Variants in GALNTL6 observed in about 807,000 individuals in gnomAD.
The protein encoded by GALNTL6 is polypeptide N-acetylgalactosaminyltransferase-like 6.
Under a neutral mutation model 73.7 loss-of-function variants are expected in GALNTL6, and 46 were observed. The ratio of observed to expected loss-of-function variants is 0.62; its 90% CI spans 0.49 to 0.80. The LOEUF is 0.80. Among genes scored for constraint, GALNTL6 ranks in the 30% least tolerant of loss-of-function variants. The probability of loss-of-function intolerance (pLI) is 0.00; values close to 1 mark genes in which losing one functional copy is unlikely to be tolerated. For missense variants in GALNTL6, 604 were observed against 755.0 expected (o/e 0.80, Z 2.34); for synonymous variants, 259 against 263.7 (o/e 0.98, Z 0.17).
In GALNTL6 at chr4:172,447,578, G is replaced by A. The variant is rs79448561; in HGVS notation, c.553+98889G>A. Among the ~76,000 whole-genome samples, 892 of 152,238 alleles carry A rather than the reference G, an allele frequency of 5.9e-3. 11 individuals are homozygous for A. The highest frequency in any genetic ancestry group is 0.02 in the African/African-American group (850 of 41,542). ...TTATTATAACAAATATCTTCTAAAAGCATACTATAAATGTAAATGATAGTT... is the reference window on the plus strand; with the variant it reads ...TTATTATAACAAATATCTTCTAAAAACATACTATAAATGTAAATGATAGTT... On this transcript the variant is annotated intron_variant, in intron 5 of 12. Coordinates refer to ENST00000506823, the MANE Select transcript of GALNTL6 (RefSeq NM_001034845.3).
intron 8 of GALNTL6, among the ~76,000 whole-genome samples, chr4:172,929,857 A>G (rs377087596): frequency 1.6e-4 from 24 of 152,340 alleles, no homozygotes; most frequent in African/African-American, 5.8e-4. Context: ...GCCTGGATTT[A>G]TGTTTTGATA....
At chr4:172,354,713 C>G (rs773773854) in intron 5 of GALNTL6, among the ~76,000 whole-genome samples, 8 of 152,064 alleles carry the variant, frequency 5.3e-5, no homozygotes, top group Non-Finnish European at 1.2e-4. Flanking sequence ...GCAGAATATG[C>G]TTGGAGTAGA....
At chr4:172,828,809 C>G (rs961845774) in intron 7 of GALNTL6, among the ~76,000 whole-genome samples, 2 of 152,116 alleles carry the variant, frequency 1.3e-5, no homozygotes, top group African/African-American at 2.4e-5. Flanking sequence ...CAAGGAAATC[C>G]CTCATGCTAT....
chr4:172,561,812 C>T (rs1356433191), intron 5 of GALNTL6, among the ~76,000 whole-genome samples: 2 of 152,132 alleles, frequency 1.3e-5, no homozygotes, highest in East Asian at 3.9e-4. Context: ...TTTTATAGCT[C>T]CTCCAGAGAT....
At chr4:172,307,892 GA>G (rs1740200784) in intron 3 of GALNTL6, among the ~76,000 whole-genome samples, 1 of 148,974 alleles carries the variant, frequency 6.7e-6, no homozygotes, top group Admixed American at 6.8e-5. Flanking sequence ...GTTCTGTGAA[GA>G]ATTATAGTAT....
chr4:171,933,475 C>T (rs1389405012), intron 2 of GALNTL6, among the ~76,000 whole-genome samples: 1 of 151,982 alleles, frequency 6.6e-6, no homozygotes, highest in Non-Finnish European at 1.5e-5. Flanking sequence ...TGAAATTACT[C>T]AAGTATCTAT....
intron 5 of GALNTL6, among the ~76,000 whole-genome samples, chr4:172,419,546 A>G (rs1190310031): frequency 1.3e-5 from 2 of 152,212 alleles, no homozygotes; most frequent in African/African-American, 2.4e-5. Context: ...TTACAATAAT[A>G]TAATAGTTAC....
intron 2 of GALNTL6, among the ~76,000 whole-genome samples, chr4:172,134,105 C>T (rs763062799): frequency 4.6e-5 from 7 of 151,992 alleles, no homozygotes; most frequent in East Asian, 1.9e-4. Flanking sequence ...TAACAGTGGC[C>T]GGGCGCAATG....
Position 171,888,228 on chromosome 4 carries a change from T to C in GALNTL6, c.138+73510T>C, listed in dbSNP as rs540364149. Among the ~76,000 whole-genome samples, 3 of 151,980 alleles carry C rather than the reference T, an allele frequency of 2.0e-5. No homozygotes were observed. The South Asian group carries it at 6.2e-4, about 32-fold the overall frequency. Reference sequence around the variant, plus strand: ...CCCCCTATGTGCTTCTAAAATTATATAACAGGTGATTATACTAAACATAAG... The same window carrying C: ...CCCCCTATGTGCTTCTAAAATTATACAACAGGTGATTATACTAAACATAAG... On this transcript the variant is annotated intron_variant, in intron 2 of 12. Coordinates refer to ENST00000506823, the MANE Select transcript of GALNTL6 (RefSeq NM_001034845.3).
intron 2 of GALNTL6, among the ~76,000 whole-genome samples, chr4:172,174,859 A>G (rs1294195930): frequency 6.6e-6 from 1 of 152,224 alleles, no homozygotes; most frequent in Non-Finnish European, 1.5e-5. Context: ...CATATATATG[A>G]TAGGTACACA....
chr4:172,368,807 G>C (rs1742672459), intron 5 of GALNTL6, among the ~76,000 whole-genome samples: 1 of 152,224 alleles, frequency 6.6e-6, no homozygotes, highest in Non-Finnish European at 1.5e-5. Context: ...GAGTGTTACA[G>C]TTCTTAAAGA....
intron 2 of GALNTL6, among the ~76,000 whole-genome samples, chr4:171,990,932 A>C (rs1232404941): frequency 6.6e-6 from 1 of 152,200 alleles, no homozygotes; most frequent in Non-Finnish European, 1.5e-5. Flanking sequence ...GGCCTATGCA[A>C]TACAAGAAGA....
rs1238317196 is a variant in GALNTL6 at position 172,560,658 on chromosome 4, T to G, written c.553+211969T>G. Among the ~76,000 whole-genome samples the G allele has an allele frequency of 2.6e-5, 4 of 152,202 alleles. 1 individual carries two copies. The highest frequency in any genetic ancestry group is 9.6e-5 in the African/African-American group (4 of 41,458). On this transcript the variant is annotated intron_variant, in intron 5 of 12. Transcript: ENST00000506823. ...CCTGGGTAATTGAAGTCTGAGATTT[T>G]TTGTTGTTGTTGTTATTTTTTGTTC...
intron 5 of GALNTL6, among the ~76,000 whole-genome samples, chr4:172,616,153 C>A (rs1397023136): frequency 6.6e-6 from 1 of 152,030 alleles, no homozygotes; most frequent in Admixed American, 6.6e-5. Flanking sequence ...ATGGCAAAGC[C>A]CCCATAAGAG....
intron 10 of GALNTL6, among the ~76,000 whole-genome samples, chr4:172,996,492 CAA>C (rs1254132069): frequency 1.3e-5 from 2 of 152,136 alleles, no homozygotes; most frequent in Admixed American, 1.3e-4. Flanking sequence ...CCCCATGACA[CAA>C]GTTTACCTAT....
chr4:172,771,914 G>T (rs771429156), intron 5 of GALNTL6, among the ~76,000 whole-genome samples: 2 of 151,954 alleles, frequency 1.3e-5, no homozygotes, highest in Non-Finnish European at 2.9e-5. Context: ...AATACAATTT[G>T]TATTAGTCTG....
chr4:172,141,913 C>CACACA (rs1560939874), intron 2 of GALNTL6, among the ~76,000 whole-genome samples: 22 of 102,662 alleles, frequency 2.1e-4, no homozygotes, highest in African/African-American at 6.2e-4. Context: ...ACACACACAC[C>CACACA]CCCCACACTC....
intron 5 of GALNTL6, among the ~76,000 whole-genome samples, chr4:172,523,952 C>T (rs1246400285): frequency 6.6e-6 from 1 of 152,134 alleles, no homozygotes; most frequent in Non-Finnish European, 1.5e-5. Flanking sequence ...GATATTAGTG[C>T]TTCGAAGGCC....
At chr4:172,193,546 T>C (rs1459048236) in intron 2 of GALNTL6, among the ~76,000 whole-genome samples, 2 of 116,950 alleles carry the variant, frequency 1.7e-5, no homozygotes, top group Admixed American at 1.7e-4. Flanking sequence ...CCTCAAAGAT[T>C]GAAGGTAGAT....
Sources: allele counts gnomAD v4.1 joint callset (sites outside exome capture counted in the v4.1 genomes callset), GRCh38; gene constraint gnomAD v4.1.1; transcripts MANE v1.5; gene names NCBI Gene and HGNC (gene_info 2026-07-23, HGNC 2026-07-21).